SYTL5: variants seen among roughly 807,000 people sequenced by gnomAD.
SYTL5 encodes synaptotagmin like 5.
SYTL5 carries 34 observed loss-of-function variants against 55.9 expected under a neutral mutation model. The observed-to-expected ratio is 0.61, with a 90% CI of 0.46 to 0.81. The LOEUF is 0.81. Among genes scored for constraint, SYTL5 ranks in the 30% least tolerant of loss-of-function variants. The pLI, the probability that SYTL5 is intolerant of heterozygous loss-of-function variation, is 0.00. For synonymous variants in SYTL5, 221 were observed against 188.7 expected, an observed-to-expected ratio of 1.17 and a Z score of -1.40; for missense variants, 637 against 546.7, an observed-to-expected ratio of 1.17 and a Z score of -1.65.
the SYTL5 span, among the ~76,000 whole-genome samples, chrX:37,938,548 C>G: frequency 6.8e-3 from 763 of 112,070 alleles, 6 homozygotes; most frequent in Non-Finnish European, 0.011. Context: ...AGGATGATCC[C>G]TAACCCACAA....
the SYTL5 span, among the ~76,000 whole-genome samples, chrX:37,941,126 T>C: frequency 1.8e-5 from 2 of 111,766 alleles, no homozygotes; most frequent in East Asian, 5.6e-4. Flanking sequence ...TAAATACAGA[T>C]TTAGAATCAC....
the SYTL5 span, among the ~76,000 whole-genome samples, chrX:37,968,657 C>T: frequency 9.0e-6 from 1 of 111,411 alleles, no homozygotes; most frequent in African/African-American, 3.3e-5. Context: ...ATCTGGGGTA[C>T]TTCACTTGGT....
chrX:37,965,224 T>C, the SYTL5 span, among the ~76,000 whole-genome samples: 2 of 111,729 alleles, frequency 1.8e-5, no homozygotes, highest in African/African-American at 3.2e-5. Flanking sequence ...CTTCTAGTAC[T>C]GCTTTTGCTG....
At chrX:37,975,238 A>G in the SYTL5 span, among the ~76,000 whole-genome samples, 1 of 111,901 alleles carries the variant, frequency 8.9e-6, no homozygotes, top group Non-Finnish European at 1.9e-5. Context: ...TTTCTTCTCC[A>G]TCTTCCACCT....
chrX:37,922,516 A>C, the SYTL5 span, among the ~76,000 whole-genome samples: 1 of 112,033 alleles, frequency 8.9e-6, no homozygotes, highest in Non-Finnish European at 1.9e-5. Context: ...TTAAATACAA[A>C]CTATCTTTTC....
At chrX:37,961,228 T>C in the SYTL5 span, among the ~76,000 whole-genome samples, 1 of 111,466 alleles carries the variant, frequency 9.0e-6, no homozygotes, top group Non-Finnish European at 1.9e-5. Context: ...CAGAATACCA[T>C]AGACTGGGTA....
At chrX:38,120,994 A>C (rs1348846017) in intron 14 of SYTL5, among the ~76,000 whole-genome samples, 4 of 111,968 alleles carry the variant, frequency 3.6e-5, no homozygotes, top group Non-Finnish European at 7.5e-5. Flanking sequence ...ATGGTTCTGC[A>C]GGCTATGTAG....
chrX:37,934,640 CT>C, the SYTL5 span, among the ~76,000 whole-genome samples: 87 of 97,160 alleles, frequency 9.0e-4, no homozygotes, highest in Admixed American at 2.8e-3. Flanking sequence ...TTTTTTTTTT[CT>C]TTTTTTTTTT....
chrX:37,905,207 A>G, the SYTL5 span, among the ~76,000 whole-genome samples: 1 of 110,965 alleles, frequency 9.0e-6, no homozygotes. Flanking sequence ...CCAGGGTCCC[A>G]TCATTCCCCA....
At chrX:37,993,828 A>C in the SYTL5 span, among the ~76,000 whole-genome samples, 24 of 112,720 alleles carry the variant, frequency 2.1e-4, no homozygotes, top group East Asian at 5.8e-3. Context: ...TTTTGCTAAA[A>C]TGTTAAATAG....
chrX:37,944,337 T>G, the SYTL5 span, among the ~76,000 whole-genome samples: 2 of 111,617 alleles, frequency 1.8e-5, no homozygotes, highest in Non-Finnish European at 3.8e-5. Flanking sequence ...TGATTGAGAT[T>G]TGACATTTGG....
At chrX:38,102,785 G>T (rs1281074176) in intron 10 of SYTL5, among the ~76,000 whole-genome samples, 1 of 111,717 alleles carries the variant, frequency 9.0e-6, no homozygotes, top group Non-Finnish European at 1.9e-5. Context: ...CCTCCAGACT[G>T]CTGCCAGTCA....
chrX:38,120,005 A>G (rs1937552238), intron 13 of SYTL5, among the ~76,000 whole-genome samples: 1 of 112,309 alleles, frequency 8.9e-6, no homozygotes, highest in Non-Finnish European at 1.9e-5. Context: ...TGGCATTTTT[A>G]TTCCTGCTTC....
At position 38,044,973 on chromosome X, in the gene SYTL5, C is replaced by T. The variant is rs188960918; in HGVS notation, c.120-9240C>T. Among the ~76,000 whole-genome samples the T allele has an allele frequency of 4.8e-3, 537 of 111,835 alleles. 5 individuals are homozygous for T. The highest frequency in any genetic ancestry group is 0.017 in the African/African-American group (518 of 30,864). On this transcript the variant is annotated intron_variant, in intron 2 of 16. Transcript: ENST00000297875. Reference sequence around the variant, plus strand: ...TATCAAATTGCAGTGATTCCTAACTCCTTTAGAGTTGTAACGAGCTGTTTT... The same window carrying T: ...TATCAAATTGCAGTGATTCCTAACTTCTTTAGAGTTGTAACGAGCTGTTTT...
the SYTL5 span, chrX:37,991,417 G>A: frequency 3.6e-6 from 2 of 552,003 alleles, no homozygotes; most frequent in African/African-American, 2.3e-5. Context: ...GGGAAGGGGT[G>A]GCCAGTGTGG....
intron 7 of SYTL5, 70 bp downstream of exon 7, chrX:38,089,657 T>C (rs1936748826): frequency 4.7e-6 from 5 of 1,062,337 alleles, no homozygotes; most frequent in Non-Finnish European, 6.3e-6. Flanking sequence ...TGCCAGAGAT[T>C]GGGTAATTTA....
the SYTL5 span, among the ~76,000 whole-genome samples, chrX:37,893,705 TATAG>T: frequency 3.6e-5 from 3 of 83,830 alleles, no homozygotes; most frequent in South Asian, 5.4e-4. Context: ...ATATATAATC[TATAG>T]ATAAACTATA....
chrX:37,970,243 A>G, the SYTL5 span, among the ~76,000 whole-genome samples: 1 of 111,248 alleles, frequency 9.0e-6, no homozygotes, highest in Non-Finnish European at 1.9e-5. Flanking sequence ...CAACATGTTT[A>G]GACTGTTTTG....
chrX:38,118,944 C>T lies in SYTL5; in HGVS notation c.1597-1414C>T, dbSNP rs756362792. Among the ~76,000 whole-genome samples, 51 of 82,177 alleles carry T rather than the reference C, an allele frequency of 6.2e-4. No homozygotes were observed. In the East Asian group the frequency reaches 8.6e-3, roughly 14 times the overall value. 71.4% of individuals were successfully genotyped at this position (82,177 alleles called of 115,157 possible). A position where few individuals can be genotyped will look rare whatever the true frequency, so the allele number is the denominator to read the frequency against. ...TAATATATATATATATATATATGTA[C>T]GCATATACATATATATATATATATA... On this transcript the variant is annotated intron_variant, in intron 13 of 16. Transcript: ENST00000297875.
Sources: allele counts gnomAD v4.1 joint callset (sites outside exome capture counted in the v4.1 genomes callset), GRCh38; gene constraint gnomAD v4.1.1; transcripts MANE v1.5; gene names NCBI Gene and HGNC (gene_info 2026-07-23, HGNC 2026-07-21).